Variants in ZNRF2 observed in about 807,000 individuals in gnomAD.
ZNRF2 encodes the protein zinc and ring finger 2, also known as E3 ubiquitin-protein ligase ZNRF2.
In ZNRF2, 16 loss-of-function variants were observed where a neutral mutation model predicts 20.4. That is an observed-to-expected ratio of 0.79 (90% CI 0.53 to 1.19). ZNRF2 has a LOEUF of 1.19. Ranked by LOEUF, ZNRF2 falls within the 50% of genes most tolerant of loss-of-function variation. The pLI, the probability that ZNRF2 is intolerant of heterozygous loss-of-function variation, is 0.00. For missense variants in ZNRF2, 363 were observed against 332.4 expected (o/e 1.09, Z -0.72); for synonymous variants, 178 against 144.9 (o/e 1.23, Z -1.64).
At chr7:30,323,553 T>G in intron 1 of ZNRF2, 89 bp from the exon 2 acceptor site, 1 of 870,316 alleles carries the variant, frequency 1.1e-6, no homozygotes, top group Non-Finnish European at 1.7e-6. Context: ...TATTGAAGTT[T>G]CAAACGCTTT....
intron 1 of ZNRF2, chr7:30,288,830 C>A (rs13307521): frequency 5.9e-5 from 9 of 152,156 alleles, no homozygotes; most frequent in African/African-American, 1.2e-4. Context: ...TGTTTTAAAA[C>A]AGGTCTTAAG....
intron 2 of ZNRF2, among the ~76,000 whole-genome samples, chr7:30,340,321 G>A (rs932419622): frequency 6.6e-6 from 1 of 152,162 alleles, no homozygotes; most frequent in African/African-American, 2.4e-5. Flanking sequence ...TCCTTGTCTT[G>A]TGCCGGTTTT....
At chr7:30,317,082 C>CTTATAATTGTGG (rs1799387176) in intron 1 of ZNRF2, among the ~76,000 whole-genome samples, 1 of 152,166 alleles carries the variant, frequency 6.6e-6, no homozygotes, top group Non-Finnish European at 1.5e-5. Context: ...GCAAGCAGTG[C>CTTATAATTGTGG]TTATAATTGT....
intron 1 of ZNRF2, among the ~76,000 whole-genome samples, chr7:30,287,565 C>T (rs1359282504): frequency 6.6e-6 from 1 of 152,178 alleles, no homozygotes; most frequent in Admixed American, 6.5e-5. Flanking sequence ...AGTTGAGCCC[C>T]ATGCTATTCC....
At chr7:30,346,170 ATTTTTTTTTTTTTTTTTTTTT>A (rs70980598) in intron 2 of ZNRF2, among the ~76,000 whole-genome samples, 3 of 23,676 alleles carry the variant, frequency 1.3e-4, no homozygotes, top group Non-Finnish European at 2.9e-4. Flanking sequence ...GTTAAGTCTG[ATTTTTTTTTTTTTTTTTTTTT>A]TTTTTTTTTT....
intron 1 of ZNRF2, among the ~76,000 whole-genome samples, chr7:30,301,725 TTA>T (rs1286783452): frequency 1.3e-4 from 18 of 141,574 alleles, no homozygotes; most frequent in African/African-American, 3.9e-4. Context: ...AAAAAAAAAC[TTA>T]TCTTTGTCTT....
At chr7:30,325,388 A>G (rs907470400) in intron 2 of ZNRF2, among the ~76,000 whole-genome samples, 1 of 152,218 alleles carries the variant, frequency 6.6e-6, no homozygotes, top group Non-Finnish European at 1.5e-5. Context: ...GTTAGGAATT[A>G]GAGATATAGC....
At chr7:30,295,203 A>C (rs1033542947) in intron 1 of ZNRF2, among the ~76,000 whole-genome samples, 3 of 151,892 alleles carry the variant, frequency 2.0e-5, no homozygotes, top group Non-Finnish European at 4.4e-5. Flanking sequence ...TTCAGGCCTG[A>C]AGGGAGTACC....
intron 2 of ZNRF2, among the ~76,000 whole-genome samples, chr7:30,341,719 G>A (rs957822387): frequency 3.9e-5 from 6 of 152,174 alleles, no homozygotes; most frequent in Non-Finnish European, 8.8e-5. Context: ...GGAGAATTCT[G>A]TGGATGTCTC....
intron 2 of ZNRF2, among the ~76,000 whole-genome samples, chr7:30,344,399 A>G (rs73081550): frequency 6.6e-6 from 1 of 152,016 alleles, no homozygotes; most frequent in Non-Finnish European, 1.5e-5. Context: ...TTCTATGAGC[A>G]ATAATGAAAT....
chr7:30,316,653 C>T (rs1457894285), intron 1 of ZNRF2, among the ~76,000 whole-genome samples: 1 of 152,090 alleles, frequency 6.6e-6, no homozygotes, highest in Non-Finnish European at 1.5e-5. Context: ...TTTATTAAGT[C>T]GCTGTCATTT....
intron 2 of ZNRF2, among the ~76,000 whole-genome samples, chr7:30,335,062 G>A (rs889342244): frequency 6.6e-6 from 1 of 152,060 alleles, no homozygotes; most frequent in South Asian, 2.1e-4. Flanking sequence ...TGATGAGAAG[G>A]AAGTCCTGAT....
At chr7:30,302,731 C>T (rs552610133) in intron 1 of ZNRF2, among the ~76,000 whole-genome samples, 48 of 152,150 alleles carry the variant, frequency 3.2e-4, no homozygotes, top group African/African-American at 9.6e-4. Context: ...GAACTGGTGG[C>T]GGTATCATCA....
intron 3 of ZNRF2, among the ~76,000 whole-genome samples, chr7:30,360,579 C>T (rs1037559725): frequency 6.6e-6 from 1 of 151,914 alleles, no homozygotes; most frequent in Admixed American, 6.6e-5. Flanking sequence ...GTAATCCCAG[C>T]TACCCAGGAG....
rs866033318 is a variant in ZNRF2, at chr7:30,301,769, C to G, written c.469+15943C>G. Among the ~76,000 whole-genome samples the G allele has an allele frequency of 6.3e-4, 95 of 150,816 alleles. 1 individual carries two copies. The highest frequency in any genetic ancestry group is 2.1e-3 in the African/African-American group (87 of 41,074). ...GAATATACTAGAGCGGGCAAAAATCCCATTATAACAATCTCCGAAAAGGTA... is the reference window on the plus strand; with the variant it reads ...GAATATACTAGAGCGGGCAAAAATCGCATTATAACAATCTCCGAAAAGGTA... On this transcript the variant is annotated intron_variant, in intron 1 of 4. Transcript: ENST00000323037.
intron 2 of ZNRF2, among the ~76,000 whole-genome samples, chr7:30,336,508 A>T (rs1458925909): frequency 6.6e-6 from 1 of 152,158 alleles, no homozygotes; most frequent in Non-Finnish European, 1.5e-5. Context: ...GAAAATAATG[A>T]AAGTATTAAT....
chr7:30,319,099 G>A (rs542486781), intron 1 of ZNRF2, among the ~76,000 whole-genome samples: 1 of 148,398 alleles, frequency 6.7e-6, no homozygotes, highest in Admixed American at 6.7e-5. Flanking sequence ...GTGAAAGAGC[G>A]AAACTCCGTC....
At chr7:30,346,416 A>T (rs891129492) in intron 2 of ZNRF2, among the ~76,000 whole-genome samples, 4 of 150,328 alleles carry the variant, frequency 2.7e-5, no homozygotes, top group African/African-American at 7.3e-5. Flanking sequence ...CTGTTTTCCA[A>T]CTCCTCAGGT....
chr7:30,302,500 G>A (rs1305535250), intron 1 of ZNRF2, among the ~76,000 whole-genome samples: 2 of 151,658 alleles, frequency 1.3e-5, no homozygotes, highest in Non-Finnish European at 1.5e-5. Context: ...ATCCATCAGG[G>A]CCTTGGAAAC....
Sources: allele counts gnomAD v4.1 joint callset (sites outside exome capture counted in the v4.1 genomes callset), GRCh38; gene constraint gnomAD v4.1.1; transcripts MANE v1.5; gene names NCBI Gene and HGNC (gene_info 2026-07-23, HGNC 2026-07-21).